Variants in RPH3AL observed in about 807,000 individuals in gnomAD.
RPH3AL encodes the protein rab effector Noc2.
Under a neutral mutation model 43.1 loss-of-function variants are expected in RPH3AL, and 38 were observed. That is an observed-to-expected ratio of 0.88 (90% CI 0.68 to 1.15). The LOEUF (loss-of-function observed/expected upper bound fraction) is 1.15, where lower values mean the gene tolerates loss of function less well. Among genes scored for constraint, RPH3AL ranks in the 50% most tolerant of loss-of-function variants. The pLI is 0.00. For synonymous variants in RPH3AL, 189 were observed against 176.3 expected, an observed-to-expected ratio of 1.07 and a Z score of -0.57; for missense variants, 462 against 423.2, an observed-to-expected ratio of 1.09 and a Z score of -0.81.
intron 8 of RPH3AL, 73 bp downstream of exon 8, chr17:219,547 TGGA>T: frequency 6.6e-6 from 3 of 451,204 alleles, no homozygotes; most frequent in Non-Finnish European, 1.2e-5. Flanking sequence ...TTTTTTGAGA[TGGA>T]GTTTCGCTCC....
At chr17:317,393 G>C (rs66657306) in intron 5 of RPH3AL, among the ~76,000 whole-genome samples, 52,386 of 134,984 alleles carry the variant, frequency 0.39, 11,668 homozygotes, top group African/African-American at 0.64. Flanking sequence ...GTGGCCCCAC[G>C]TCCATTGACT....
intron 7 of RPH3AL, among the ~76,000 whole-genome samples, chr17:243,114 C>A (rs897352141): frequency 2.8e-5 from 4 of 140,576 alleles, no homozygotes; most frequent in Non-Finnish European, 6.3e-5. Context: ...GATTACCTTC[C>A]TCTACTGATT....
At chr17:291,046 C>T (rs1177423912) in intron 5 of RPH3AL, among the ~76,000 whole-genome samples, 8 of 152,110 alleles carry the variant, frequency 5.3e-5, no homozygotes, top group South Asian at 2.1e-4. Flanking sequence ...TCAAACGTTG[C>T]GTACAAGGAG....
At chr17:349,666 C>T (rs2151738115) in intron 1 of RPH3AL, among the ~76,000 whole-genome samples, 1 of 152,194 alleles carries the variant, frequency 6.6e-6, no homozygotes, top group African/African-American at 2.4e-5. Context: ...TATAAAAAAA[C>T]TTTTTAATAA....
chr17:301,458 C>T (rs146847335), intron 5 of RPH3AL, among the ~76,000 whole-genome samples: 11 of 152,224 alleles, frequency 7.2e-5, no homozygotes, highest in East Asian at 1.9e-4. Context: ...TGCGCACCAC[C>T]GTGCCTGGCT....
At chr17:339,217 T>G (rs2045048408) in intron 1 of RPH3AL, 1 of 152,350 alleles carries the variant, frequency 6.6e-6, no homozygotes, top group Non-Finnish European at 1.5e-5. Context: ...TGTCCGGTTC[T>G]CTGCACACTA....
chr17:315,243 T>G (rs565975890), intron 5 of RPH3AL, among the ~76,000 whole-genome samples: 2 of 132,622 alleles, frequency 1.5e-5, no homozygotes, highest in South Asian at 5.5e-4. Flanking sequence ...TTCATTCACC[T>G]GTAGTCCCTG....
intron 3 of RPH3AL, among the ~76,000 whole-genome samples, 188 bp downstream of exon 3, chr17:327,279 G>A (rs1396644424): frequency 1.3e-5 from 2 of 152,240 alleles, no homozygotes; most frequent in East Asian, 3.8e-4. Context: ...GGGAAATGGG[G>A]ATAAATTCTG....
chr17:226,576 C>T (rs1348097890), intron 7 of RPH3AL, among the ~76,000 whole-genome samples: 4 of 152,188 alleles, frequency 2.6e-5, no homozygotes, highest in African/African-American at 7.2e-5. Flanking sequence ...ACTGGCAGGG[C>T]GGAAGGGCCA....
In RPH3AL at chr17:234,045, AGC is replaced by A. The variant is rs1333186960; in HGVS notation, c.613+13064_613+13065del. ...CTACTTACCCTGACCAACTTCCCCG[AGC>A]AGGGAGCGGCTACTTACCCTGACCA... On this transcript the variant is annotated intron_variant, in intron 7 of 9. Transcript: ENST00000331302. Among the ~76,000 whole-genome samples, 252 of 41,496 alleles carry A rather than the reference AGC, an allele frequency of 6.1e-3. 3 individuals are homozygous for A. The highest frequency in any genetic ancestry group is 8.1e-3 in the Admixed American group (36 of 4,456). 27.2% of individuals were successfully genotyped at this position (41,496 alleles called of 152,430 possible).
At position 253,744 on chromosome 17, in the gene RPH3AL, T is replaced by G. The variant is rs9900889; in HGVS notation, c.439-6459A>C. Among the ~76,000 whole-genome samples, 168 of 128,596 alleles carry G rather than the reference T, an allele frequency of 1.3e-3. 5 individuals are homozygous for G. Among genetic ancestry groups the G allele is most frequent in the African/African-American group, 3.0e-3 (106 of 35,602 alleles). 84.4% of individuals were successfully genotyped at this position (128,596 alleles called of 152,430 possible). ...CTGTCCTTTTCCATCCCTAGGAACG[T>G]GACTACCCTACGTACTTCCTATGAG... On this transcript the variant is annotated intron_variant, in intron 6 of 9. Coordinates refer to ENST00000331302, the MANE Select transcript of RPH3AL (RefSeq NM_006987.4).
chr17:296,714 G>A (rs1000893397), intron 5 of RPH3AL, among the ~76,000 whole-genome samples: 2 of 152,326 alleles, frequency 1.3e-5, no homozygotes, highest in Non-Finnish European at 2.9e-5. Flanking sequence ...TCAACGTCAC[G>A]CCCGCTTTTT....
Position 323,814 on chromosome 17 carries a change from C to T in RPH3AL, c.78-2399G>A, listed in dbSNP as rs1004388296. Among the ~76,000 whole-genome samples, 4 of 146,520 alleles carry T rather than the reference C, an allele frequency of 2.7e-5. No homozygotes were observed. Among genetic ancestry groups the T allele is most frequent in the African/African-American group, 1.0e-4 (4 of 39,552 alleles). ...CACCCCGAGGCAGGCCCGGACCCTC[C>T]ATCACCCCGCGAGACAGTCCAGACC... On this transcript the variant is annotated intron_variant, in intron 3 of 9. Transcript: ENST00000331302. The surrounding 1 kb of genome is among the most constrained non-coding windows in gnomAD (Gnocchi z 4.4).
intron 7 of RPH3AL, among the ~76,000 whole-genome samples, chr17:221,715 T>A (rs866243379): frequency 0.18 from 13,691 of 74,714 alleles, 110 homozygotes; most frequent in Middle Eastern, 0.25. Flanking sequence ...CCCAAGCACA[T>A]CAGCTCTGAG....
At chr17:214,276 G>A (rs938523396) in intron 9 of RPH3AL, among the ~76,000 whole-genome samples, 2 of 152,102 alleles carry the variant, frequency 1.3e-5, no homozygotes, top group Non-Finnish European at 2.9e-5. Flanking sequence ...TCTGCACTGG[G>A]CCACACAGCT....
intron 6 of RPH3AL, among the ~76,000 whole-genome samples, chr17:277,143 A>T (rs2042674455): frequency 6.6e-6 from 1 of 152,236 alleles, no homozygotes; most frequent in Non-Finnish European, 1.5e-5. Context: ...AAGAGAAAGA[A>T]ATGAAAACAA....
chr17:266,524 T>C (rs572535297), intron 6 of RPH3AL, among the ~76,000 whole-genome samples: 1 of 152,270 alleles, frequency 6.6e-6, no homozygotes, highest in Admixed American at 6.5e-5. Flanking sequence ...CCAGGAAAGA[T>C]AGAGCACCTG....
At chr17:305,549 C>A (rs570798911) in intron 5 of RPH3AL, among the ~76,000 whole-genome samples, 1 of 152,168 alleles carries the variant, frequency 6.6e-6, no homozygotes, top group African/African-American at 2.4e-5. Flanking sequence ...ACCACACACA[C>A]GGCAGGTGCC....
At chr17:302,785 T>C (rs1357930672) in intron 5 of RPH3AL, among the ~76,000 whole-genome samples, 2 of 152,218 alleles carry the variant, frequency 1.3e-5, no homozygotes, top group Non-Finnish European at 1.5e-5. Context: ...TGTATAGTCA[T>C]GGGACGATGT....
Sources: allele counts gnomAD v4.1 joint callset (sites outside exome capture counted in the v4.1 genomes callset), GRCh38; gene constraint gnomAD v4.1.1; non-coding constraint Gnocchi (gnomAD v3.1); transcripts MANE v1.5; gene names NCBI Gene and HGNC (gene_info 2026-07-23, HGNC 2026-07-21).